SHISAL2A: variants seen among roughly 807,000 people sequenced by gnomAD.
SHISAL2A encodes shisa like 2A, also known as protein shisa-like-2A.
SHISAL2A carries 18 observed loss-of-function variants against 11.5 expected under a neutral mutation model. That is an observed-to-expected ratio of 1.57 (90% CI 1.08 to 2.33). The LOEUF (loss-of-function observed/expected upper bound fraction) is 2.33. Ranked by LOEUF, SHISAL2A falls within the 30% of genes most tolerant of loss-of-function variation. The pLI is 0.00. For missense variants in SHISAL2A, 261 were observed against 250.9 expected (o/e 1.04, Z -0.27); for synonymous variants, 94 against 99.6 (o/e 0.94, Z 0.34).
In SHISAL2A at chr1:52,653,264, C is replaced by T. The variant is rs143576186; in HGVS notation, c.323-3526C>T. Among the ~76,000 whole-genome samples the T allele has an allele frequency of 4.8e-5, 5 of 104,614 alleles. No individual in the cohort carries two copies. The Admixed American group carries it at 7.3e-4, about 15-fold the overall frequency. 68.6% of individuals were successfully genotyped at this position (104,614 alleles called of 152,430 possible). A position where few individuals can be genotyped will look rare whatever the true frequency, so the allele number is the denominator to read the frequency against. ...AGGAGTTCGAGATCATTCTGGGCAA[C>T]ATGACAAGACTCCTGTCTCTACAAA... is the stretch of plus-strand genomic sequence containing the variant. On this transcript the variant is annotated intron_variant, in intron 2 of 2. Transcript: ENST00000517870.
At chr1:52,641,982 T>C (rs955973659) in intron 1 of SHISAL2A, among the ~76,000 whole-genome samples, 2 of 152,116 alleles carry the variant, frequency 1.3e-5, no homozygotes, top group African/African-American at 2.4e-5. Context: ...CACATGCCTG[T>C]GGTCCCAGCC....
At chr1:52,665,054 G>A (rs1691985682) in intron 4 of SHISAL2A, among the ~76,000 whole-genome samples, 1 of 152,172 alleles carries the variant, frequency 6.6e-6, no homozygotes, top group Non-Finnish European at 1.5e-5. Context: ...ATTTTGATCT[G>A]CACAATACTT....
At chr1:52,658,976 G>T (rs1691851833), downstream of SHISAL2A, among the ~76,000 whole-genome samples, 1 of 152,182 alleles carries the variant, frequency 6.6e-6, no homozygotes, top group South Asian at 2.1e-4. Flanking sequence ...GTTCTAGGCT[G>T]GAAGTCAAGA....
At chr1:52,659,239 A>AT (rs899027641), downstream of SHISAL2A, among the ~76,000 whole-genome samples, 23 of 150,030 alleles carry the variant, frequency 1.5e-4, no homozygotes, top group South Asian at 4.2e-4. Context: ...TAATTTTTAA[A>AT]TTTTTTTTTT....
At chr1:52,662,441 T>G (rs1363556732) in intron 4 of SHISAL2A, among the ~76,000 whole-genome samples, 2 of 151,770 alleles carry the variant, frequency 1.3e-5, no homozygotes, top group Non-Finnish European at 2.9e-5. Context: ...ACCTCCCGGG[T>G]TCAAGTGATT....
At chr1:52,635,214 T>C (rs1691212994) in intron 1 of SHISAL2A, among the ~76,000 whole-genome samples, 1 of 152,194 alleles carries the variant, frequency 6.6e-6, no homozygotes, top group African/African-American at 2.4e-5. Flanking sequence ...GGTATTCACT[T>C]GACAAGTTCA....
chr1:52,643,410 G>GT (rs1249980065), intron 2 of SHISAL2A, among the ~76,000 whole-genome samples: 1 of 152,054 alleles, frequency 6.6e-6, no homozygotes, highest in African/African-American at 2.4e-5. Context: ...GTGTGTATGC[G>GT]TTTTTTTAAA....
downstream of SHISAL2A, among the ~76,000 whole-genome samples, chr1:52,661,488 A>G (rs1691906205): frequency 6.6e-6 from 1 of 152,204 alleles, no homozygotes. Flanking sequence ...CTGTTGGCTC[A>G]GGGGCCAGGG....
chr1:52,650,028 C>T (rs1215495138), intron 2 of SHISAL2A, among the ~76,000 whole-genome samples: 1 of 152,184 alleles, frequency 6.6e-6, no homozygotes, highest in East Asian at 1.9e-4. Context: ...GCCTTTGCCT[C>T]CCAGCCAGAG....
intron 1 of SHISAL2A, among the ~76,000 whole-genome samples, chr1:52,635,142 G>C (rs770153004): frequency 6.6e-5 from 10 of 152,002 alleles, no homozygotes; most frequent in Non-Finnish European, 1.3e-4. Flanking sequence ...CAAGGTATTG[G>C]AGACACAAAA....
At chr1:52,641,029 T>C (rs1691353364) in intron 1 of SHISAL2A, among the ~76,000 whole-genome samples, 1 of 152,086 alleles carries the variant, frequency 6.6e-6, no homozygotes, top group Non-Finnish European at 1.5e-5. Context: ...AGAGAACTTC[T>C]GGATTGCTGA....
At chr1:52,666,169 C>T (rs1350562028) in intron 4 of SHISAL2A, among the ~76,000 whole-genome samples, 2 of 152,072 alleles carry the variant, frequency 1.3e-5, no homozygotes, top group East Asian at 1.9e-4. Flanking sequence ...TGCAGTGTAC[C>T]GGCTGGGAGC....
At chr1:52,664,030 C>T (rs1046680963) in intron 4 of SHISAL2A, among the ~76,000 whole-genome samples, 33 of 152,094 alleles carry the variant, frequency 2.2e-4, no homozygotes, top group African/African-American at 7.0e-4. Context: ...CATACTTGAC[C>T]GTGCAGAATT....
chr1:52,665,055 C>T (rs1558096413), intron 4 of SHISAL2A, among the ~76,000 whole-genome samples: 1 of 152,184 alleles, frequency 6.6e-6, no homozygotes, highest in Admixed American at 6.6e-5. Context: ...TTTTGATCTG[C>T]ACAATACTTA....
At chr1:52,641,830 T>C (rs1214074702) in intron 1 of SHISAL2A, among the ~76,000 whole-genome samples, 1 of 151,866 alleles carries the variant, frequency 6.6e-6, no homozygotes, top group Non-Finnish European at 1.5e-5. Context: ...GGTGCCAGCA[T>C]GGTGGCTCAT....
intron 2 of SHISAL2A, among the ~76,000 whole-genome samples, chr1:52,654,067 C>T (rs953397276): frequency 1.3e-5 from 2 of 152,078 alleles, no homozygotes; most frequent in Admixed American, 1.3e-4. Flanking sequence ...GAGGGATCAC[C>T]ACACCCTGTT....
exon 5 of SHISAL2A, chr1:52,667,474 C>G: frequency 2.8e-6 from 1 of 357,642 alleles, no homozygotes; most frequent in Non-Finnish European, 3.9e-6. Context: ...GACAGATCAT[C>G]ACCATCACCA....
intron 4 of SHISAL2A, among the ~76,000 whole-genome samples, chr1:52,666,510 C>T (rs1220348322): frequency 2.0e-5 from 3 of 151,990 alleles, no homozygotes; most frequent in Admixed American, 2.0e-4. Flanking sequence ...TGTCCAGCCC[C>T]ATAGCACCAC....
rs57281348 is a variant in SHISAL2A at position 52,649,839 on chromosome 1, C to A, written c.322+6837C>A. Among the ~76,000 whole-genome samples, 375 of 152,230 alleles carry A rather than the reference C, an allele frequency of 2.5e-3. 1 individual carries two copies. Among genetic ancestry groups the A allele is most frequent in the African/African-American group, 8.7e-3 (361 of 41,540 alleles). On this transcript the variant is annotated intron_variant, in intron 2 of 2. Coordinates refer to ENST00000517870, the MANE Select transcript of SHISAL2A (RefSeq NM_001042693.3). ...ACATTGGGGGGAAAATTAAGGAGTC[C>A]AATTCTTATCCTTTTCTGAAAGTTG...
Sources: gnomAD v4.1 joint callset for allele counts (sites outside exome capture counted in the v4.1 genomes callset) on GRCh38, gnomAD v4.1.1 for gene constraint, MANE v1.5 for transcripts, NCBI Gene and HGNC (gene_info 2026-07-23, HGNC 2026-07-21) for gene names.